Variants in GRAMD4 observed in about 807,000 individuals in gnomAD.
The protein encoded by GRAMD4 is GRAM domain containing 4.
A neutral mutation model predicts 83.9 loss-of-function variants in GRAMD4; 25 were observed. The ratio of observed to expected loss-of-function variants is 0.30; its 90% CI spans 0.22 to 0.42. GRAMD4 has a LOEUF of 0.42. GRAMD4 is among the 10% of genes least tolerant of loss of function. The pLI is 1.00. For missense variants in GRAMD4, 593 were observed against 788.7 expected, an observed-to-expected ratio of 0.75 and a Z score of 2.97; for synonymous variants, 336 against 320.9, an observed-to-expected ratio of 1.05 and a Z score of -0.50.
intron 17 of GRAMD4, among the ~76,000 whole-genome samples, chr22:46,676,128 C>T (rs780940215): frequency 9.9e-5 from 15 of 152,222 alleles, no homozygotes; most frequent in Non-Finnish European, 1.8e-4. Flanking sequence ...ATTGGCACGG[C>T]GGGCACTCCC....
chr22:46,588,908 C>T (rs1018953947), intron 1 of GRAMD4, among the ~76,000 whole-genome samples: 20 of 152,190 alleles, frequency 1.3e-4, no homozygotes, highest in African/African-American at 4.6e-4. Context: ...CCTCTGCCAG[C>T]GTCTCCCCAC....
intron 13 of GRAMD4, among the ~76,000 whole-genome samples, chr22:46,669,626 A>C (rs1486117304): frequency 7.0e-6 from 1 of 143,514 alleles, no homozygotes; most frequent in Non-Finnish European, 1.5e-5. Context: ...CCCAGGCTGG[A>C]GTGCAGTGGC....
chr22:46,664,290 C>A (rs1424768848), intron 8 of GRAMD4, among the ~76,000 whole-genome samples, 173 bp downstream of exon 8: 2 of 152,354 alleles, frequency 1.3e-5, no homozygotes, highest in Admixed American at 1.3e-4. Flanking sequence ...TGCCAGTGCC[C>A]AGCCATGGGG....
At position 46,644,711 on chromosome 22, in the gene GRAMD4, T is replaced by G. The variant is rs988265153; in HGVS notation, c.283+6751T>G. ...ACTTGTTCCCTGTTTTTTTTTTTTT[T>G]TTTTTTTTTTTTTTTTTTTTTTTAC... is the stretch of plus-strand genomic sequence containing the variant. On this transcript the variant is annotated intron_variant, in intron 3 of 18. Coordinates refer to ENST00000406902, the MANE Select transcript of GRAMD4 (RefSeq NM_015124.5). Among the ~76,000 whole-genome samples, 314 of 60,428 alleles carry G rather than the reference T, an allele frequency of 5.2e-3. 14 individuals are homozygous for G. The highest frequency in any genetic ancestry group is 7.0e-3 in the Non-Finnish European group (199 of 28,284). 39.6% of individuals were successfully genotyped at this position (60,428 alleles called of 152,430 possible). A position where few individuals can be genotyped will look rare whatever the true frequency, so the allele number is the denominator to read the frequency against.
chr22:46,603,909 A>G (rs1404545754), intron 1 of GRAMD4, among the ~76,000 whole-genome samples: 1 of 152,140 alleles, frequency 6.6e-6, no homozygotes, highest in Non-Finnish European at 1.5e-5. Context: ...CACCTTTGCT[A>G]CATGAATGCT....
rs2082514819 is a variant in GRAMD4 at position 46,672,048 on chromosome 22, G to A, written c.1085-795G>A. Among the ~76,000 whole-genome samples, 1 of 152,246 alleles carries A rather than the reference G, an allele frequency of 6.6e-6. No individual in the cohort carries two copies. The highest frequency in any genetic ancestry group is 1.5e-5 in the Non-Finnish European group (1 of 68,038). ...TGGTCTGGCGGGCTGTGCACTGGGGGCAGCGAGACAGCCCCCAGCACTGGG... is the reference window on the plus strand; with the variant it reads ...TGGTCTGGCGGGCTGTGCACTGGGGACAGCGAGACAGCCCCCAGCACTGGG... On this transcript the variant is annotated intron_variant, in intron 13 of 18. Coordinates refer to ENST00000406902, the MANE Select transcript of GRAMD4 (RefSeq NM_015124.5). The surrounding 1 kb of genome is among the most constrained non-coding windows in gnomAD (Gnocchi z 4.7).
rs3747256 is a variant in GRAMD4, at chr22:46,678,616, G to A, written c.*1365G>A. 3 of 985,480 alleles carry A rather than the reference G, an allele frequency of 3.0e-6. No homozygotes were observed. Among genetic ancestry groups the A allele is most frequent in the Non-Finnish European group, 3.6e-6 (3 of 829,922 alleles). The allele number at this position is 985,480 out of a possible 1,614,324, so 61.0% of individuals were successfully genotyped here. ...CCCTCAGCTTGTCCTGAGTCCCTTG[G>A]GTGTCGTTGAGATTGTTGTTTTTTG... On this transcript the variant is annotated 3_prime_UTR_variant, in exon 19 of 19. Transcript: ENST00000406902.
chr22:46,603,967 G>T (rs887860949), intron 1 of GRAMD4, among the ~76,000 whole-genome samples: 7 of 152,154 alleles, frequency 4.6e-5, no homozygotes, highest in African/African-American at 1.4e-4. Flanking sequence ...ATTTATTTTG[G>T]GAAGGTGTGA....
intron 15 of GRAMD4, 77 bp downstream of exon 15, chr22:46,673,891 C>T (rs1054763500): frequency 9.3e-6 from 14 of 1,508,990 alleles, no homozygotes; most frequent in East Asian, 9.0e-5. Context: ...GCTGTGGATG[C>T]AGGACGGGGT....
chr22:46,636,150 C>T (rs763232186), intron 2 of GRAMD4, among the ~76,000 whole-genome samples: 22 of 152,318 alleles, frequency 1.4e-4, no homozygotes, highest in South Asian at 4.1e-4. Flanking sequence ...ATGTCTCCAG[C>T]GTAAGCTGGA....
At chr22:46,643,639 C>G (rs2082023242) in intron 3 of GRAMD4, among the ~76,000 whole-genome samples, 1 of 152,160 alleles carries the variant, frequency 6.6e-6, no homozygotes, top group Non-Finnish European at 1.5e-5. Context: ...CTCCTTTCAC[C>G]TGGAGCAGTA....
At chr22:46,618,579 AG>A (rs939947148), upstream of GRAMD4, among the ~76,000 whole-genome samples, 13 of 152,228 alleles carry the variant, frequency 8.5e-5, no homozygotes, top group African/African-American at 2.9e-4. The surrounding 1 kb of genome is among the most constrained non-coding windows in gnomAD (Gnocchi z 5.8). Context: ...GGTGCGTGGA[AG>A]CCCCTGGAGA....
At position 46,622,174 on chromosome 22, in the gene GRAMD4, G is replaced by T. The variant is rs2081585376; in HGVS notation, c.-50+1609G>T. Among the ~76,000 whole-genome samples, 1 of 152,122 alleles carries T rather than the reference G, an allele frequency of 6.6e-6. No individual in the cohort carries two copies. Among genetic ancestry groups the T allele is most frequent in the Non-Finnish European group, 1.5e-5 (1 of 68,006 alleles). On this transcript the variant is annotated intron_variant, in intron 1 of 18. Transcript: ENST00000406902. This position sits in a 1 kb window ranked among gnomAD's most constrained non-coding sequence, Gnocchi z 4.0. ...TTTGCTTGCCTGAGGTGATTGGGAAGGCAGCCCTGGCCTCGGAATTACAGC... is the reference window on the plus strand; with the variant it reads ...TTTGCTTGCCTGAGGTGATTGGGAATGCAGCCCTGGCCTCGGAATTACAGC...
At chr22:46,582,853 A>G in intron 1 of GRAMD4, among the ~76,000 whole-genome samples, 1 of 152,234 alleles carries the variant, frequency 6.6e-6, no homozygotes, top group East Asian at 1.9e-4. Flanking sequence ...AAACCCAAAC[A>G]GGAACCTGGG....
At chr22:46,639,559 ACT>A (rs560358261) in intron 3 of GRAMD4, among the ~76,000 whole-genome samples, 244 of 114,582 alleles carry the variant, frequency 2.1e-3, no homozygotes, top group Middle Eastern at 7.5e-3. Context: ...GCAGTAGTTA[ACT>A]CTGTGTGTGT....
chr22:46,637,038 G>A (rs1297936843), intron 2 of GRAMD4, among the ~76,000 whole-genome samples: 1 of 152,176 alleles, frequency 6.6e-6, no homozygotes, highest in Non-Finnish European at 1.5e-5. Flanking sequence ...TGCTCACCTC[G>A]GTTGCGGCAG....
chr22:46,630,389 ATG>A (rs1416683203), intron 2 of GRAMD4, among the ~76,000 whole-genome samples: 5 of 152,208 alleles, frequency 3.3e-5, no homozygotes, highest in Admixed American at 2.6e-4. Context: ...ACTGTGATGA[ATG>A]AGGCTGAATG....
intron 18 of GRAMD4, 65 bp downstream of exon 18, chr22:46,676,733 C>G (rs2082604376): frequency 1.4e-6 from 2 of 1,420,016 alleles, no homozygotes. Context: ...TCTGAGCAAC[C>G]CTGGGACCAG....
At chr22:46,585,052 A>G (rs1276395072) in intron 1 of GRAMD4, among the ~76,000 whole-genome samples, 1 of 152,202 alleles carries the variant, frequency 6.6e-6, no homozygotes, top group Non-Finnish European at 1.5e-5. Flanking sequence ...AGCATCTTTC[A>G]TTCAGGAATG....
Sources: allele counts gnomAD v4.1 joint callset (sites outside exome capture counted in the v4.1 genomes callset), GRCh38; gene constraint gnomAD v4.1.1; non-coding constraint Gnocchi (gnomAD v3.1); transcripts MANE v1.5; gene names NCBI Gene and HGNC (gene_info 2026-07-23, HGNC 2026-07-21).